The following CTDSPL variants were observed in gnomAD, a reference collection of about 807,000 sequenced individuals.
CTDSPL encodes CTD small phosphatase-like protein.
A neutral mutation model predicts 30.5 loss-of-function variants in CTDSPL; 8 were observed. The ratio of observed to expected loss-of-function variants is 0.26; its 90% confidence interval spans 0.15 to 0.47. The LOEUF (loss-of-function observed/expected upper bound fraction) is 0.47. Ranked by LOEUF, CTDSPL falls within the 20% of genes least tolerant of loss-of-function variation. The probability of loss-of-function intolerance (pLI) is 0.99; values close to 1 mark genes in which losing one functional copy is unlikely to be tolerated. For synonymous variants in CTDSPL, 110 were observed against 137.9 expected, an observed-to-expected ratio of 0.80 and a Z score of 1.42; for missense variants, 248 against 366.1, an observed-to-expected ratio of 0.68 and a Z score of 2.63.
chr3:37,960,498 A>T (rs1456503366), intron 3 of CTDSPL, among the ~76,000 whole-genome samples: 1 of 64,178 alleles, frequency 1.6e-5, no homozygotes, highest in Non-Finnish European at 2.8e-5. Flanking sequence ...AAAAAAAAAA[A>T]AAAAAAAATA....
At chr3:37,874,834 G>A (rs1254033966) in intron 1 of CTDSPL, among the ~76,000 whole-genome samples, 3 of 152,168 alleles carry the variant, frequency 2.0e-5, no homozygotes, top group Non-Finnish European at 1.5e-5. Flanking sequence ...AAGGGAAGCA[G>A]CATCTAGCTA....
At chr3:37,891,461 A>G (rs73056974) in intron 1 of CTDSPL, among the ~76,000 whole-genome samples, 9,118 of 152,320 alleles carry the variant, frequency 0.06, 366 homozygotes, top group African/African-American at 0.11. Flanking sequence ...GCCAGCTGCA[A>G]GCGAGGACAC....
At chr3:37,883,179 AAG>A (rs77434372) in intron 1 of CTDSPL, among the ~76,000 whole-genome samples, 8,999 of 152,314 alleles carry the variant, frequency 0.059, 296 homozygotes, top group African/African-American at 0.082. Context: ...GAATATTAAG[AAG>A]AGTCATCTTA....
intron 1 of CTDSPL, among the ~76,000 whole-genome samples, chr3:37,902,103 T>C (rs1316072121): frequency 2.6e-5 from 4 of 152,202 alleles, no homozygotes; most frequent in African/African-American, 4.8e-5. Context: ...TCTCAGCTTA[T>C]ATGTCAGGCC....
In CTDSPL at chr3:37,901,956, T is replaced by A. The variant is rs1394517204; in HGVS notation, c.79+39678T>A. 4.6e-5 allele frequency among the ~76,000 whole-genome samples: 7 copies of A among 152,210 alleles called. 1 individual carries two copies. Among genetic ancestry groups the A allele is most frequent in the Admixed American group, 4.6e-4 (7 of 15,280 alleles). Reference sequence around the variant, plus strand: ...TCCTGCCTATACTATCCTTGGTATGTGGCTTTCATCTTCGTGGTTGCGAGA... The same window carrying A: ...TCCTGCCTATACTATCCTTGGTATGAGGCTTTCATCTTCGTGGTTGCGAGA... On this transcript the variant is annotated intron_variant, in intron 1 of 7. Coordinates refer to ENST00000273179, the MANE Select transcript of CTDSPL (RefSeq NM_001008392.2).
chr3:37,881,516 G>A (rs535990825), intron 1 of CTDSPL, among the ~76,000 whole-genome samples: 13 of 152,212 alleles, frequency 8.5e-5, no homozygotes, highest in African/African-American at 2.9e-4. Flanking sequence ...ATGACAGTGC[G>A]AGACTCCGTC....
intron 1 of CTDSPL, among the ~76,000 whole-genome samples, chr3:37,882,510 A>T (rs536939405): frequency 3.3e-5 from 5 of 151,068 alleles, no homozygotes; most frequent in Non-Finnish European, 7.4e-5. Context: ...CCAGCTACTT[A>T]GGAGGCTGAG....
chr3:37,919,304 C>T (rs1006140698), intron 1 of CTDSPL, among the ~76,000 whole-genome samples: 2 of 152,194 alleles, frequency 1.3e-5, no homozygotes, highest in Admixed American at 6.5e-5. Flanking sequence ...TTTTCCTTCT[C>T]AAGAAGCTGC....
chr3:37,895,718 G>C (rs1332580525), intron 1 of CTDSPL, among the ~76,000 whole-genome samples: 1 of 152,132 alleles, frequency 6.6e-6, no homozygotes, highest in African/African-American at 2.4e-5. Flanking sequence ...AGGAGAATCA[G>C]TCTAGGATGG....
rs554939643 is a variant in CTDSPL, at chr3:37,977,019, G to A, written c.705+1125G>A. The stretch of plus-strand genomic sequence containing the variant: ...CTTTCCTTGAATCCAGAACTCTGCA[G>A]TCTCGCTTATAACCAAAAAAAATTC... On this transcript the variant is annotated intron_variant, in intron 7 of 7. Transcript: ENST00000273179. 3.3e-5 allele frequency among the ~76,000 whole-genome samples: 5 copies of A among 152,256 alleles called. No individual in the cohort carries two copies. In the East Asian group the frequency reaches 7.7e-4, roughly 24 times the overall value.
At position 37,981,395 on chromosome 3, in the gene CTDSPL, C is replaced by G. The variant is rs1033907669; in HGVS notation, c.*528C>G. 1.8e-5 allele frequency: 3 copies of G among 163,804 alleles called. No homozygotes were observed. The highest frequency in any genetic ancestry group is 4.0e-5 in the Non-Finnish European group (3 of 74,610). 10.1% of individuals were successfully genotyped at this position (163,804 alleles called of 1,614,324 possible). ...ATGACAATTTTCTAGAACCTGGTAG[C>G]GTGTGTGTGTGTGGCGGGGGGTGCT... On this transcript the variant is annotated 3_prime_UTR_variant, in exon 8 of 8. Coordinates refer to ENST00000273179, the MANE Select transcript of CTDSPL (RefSeq NM_001008392.2).
intron 1 of CTDSPL, among the ~76,000 whole-genome samples, chr3:37,905,980 G>A (rs961450457): frequency 1.3e-5 from 2 of 152,138 alleles, no homozygotes; most frequent in African/African-American, 2.4e-5. Context: ...TCTGCAAATC[G>A]CCCATTGATT....
In CTDSPL at chr3:37,959,991, C is replaced by T. The variant is rs541493627; in HGVS notation, c.267+2848C>T. Reference sequence around the variant, plus strand: ...GGCCGAGGAGGGCAGATGGCTTCAGCTCAGAAGTTCGCGACCAGCCTGGGC... The same window carrying T: ...GGCCGAGGAGGGCAGATGGCTTCAGTTCAGAAGTTCGCGACCAGCCTGGGC... On this transcript the variant is annotated intron_variant, in intron 3 of 7. Coordinates refer to ENST00000273179, the MANE Select transcript of CTDSPL (RefSeq NM_001008392.2). 1.7e-3 allele frequency among the ~76,000 whole-genome samples: 260 copies of T among 152,248 alleles called. 3 individuals are homozygous for T. The Middle Eastern group carries it at 0.024, about 14-fold the overall frequency.
intron 1 of CTDSPL, among the ~76,000 whole-genome samples, chr3:37,865,765 T>C (rs914554301): frequency 2.6e-5 from 4 of 151,278 alleles, no homozygotes; most frequent in Non-Finnish European, 5.9e-5. Flanking sequence ...GGAAAAAGAG[T>C]GCCAGTCTTG....
intron 1 of CTDSPL, among the ~76,000 whole-genome samples, chr3:37,877,279 C>T (rs1698146641): frequency 6.6e-6 from 1 of 152,188 alleles, no homozygotes; most frequent in African/African-American, 2.4e-5. Context: ...CCTCCTTGCC[C>T]TGACAACCAC....
At chr3:37,969,317 G>T (rs1440285879) in intron 5 of CTDSPL, 1 of 471,800 alleles carries the variant, frequency 2.1e-6, no homozygotes, top group Admixed American at 2.4e-5. Flanking sequence ...ATATCACAAG[G>T]TCCCAGGGCT....
At chr3:37,909,042 GT>G (rs1698550965) in intron 1 of CTDSPL, among the ~76,000 whole-genome samples, 1 of 152,126 alleles carries the variant, frequency 6.6e-6, no homozygotes, top group South Asian at 2.1e-4. Flanking sequence ...TACATAAAGT[GT>G]TTTTCTTTAA....
At chr3:37,906,859 C>G (rs977467455) in intron 1 of CTDSPL, among the ~76,000 whole-genome samples, 11 of 152,176 alleles carry the variant, frequency 7.2e-5, no homozygotes, top group Admixed American at 2.0e-4. Context: ...TCCTTCCCTC[C>G]TAAACCAAAG....
chr3:37,944,045 T>G (rs1477758693), intron 1 of CTDSPL, among the ~76,000 whole-genome samples: 1 of 149,852 alleles, frequency 6.7e-6, no homozygotes, highest in Non-Finnish European at 1.5e-5. Context: ...AGGCTTGGAG[T>G]GTAGAAGCGT....
Sources: allele counts gnomAD v4.1 joint callset (sites outside exome capture counted in the v4.1 genomes callset), GRCh38; gene constraint gnomAD v4.1.1; transcripts MANE v1.5; gene names NCBI Gene and HGNC (gene_info 2026-07-23, HGNC 2026-07-21).